Variants in ZNF583 observed in about 807,000 individuals in gnomAD.
The protein encoded by ZNF583 is zinc finger protein 583.
Under a neutral mutation model 55.3 loss-of-function variants are expected in ZNF583, and 30 were observed. The ratio of observed to expected loss-of-function variants is 0.54; its 90% confidence interval spans 0.41 to 0.74. The LOEUF (loss-of-function observed/expected upper bound fraction) is 0.74, where lower values mean the gene tolerates loss of function less well. Ranked by LOEUF, ZNF583 falls within the 30% of genes least tolerant of loss-of-function variation. The probability of loss-of-function intolerance (pLI) is 0.00; values close to 1 mark genes in which losing one functional copy is unlikely to be tolerated. For missense variants in ZNF583, 504 were observed against 664.7 expected (o/e 0.76, Z 2.66); for synonymous variants, 208 against 220.0 (o/e 0.95, Z 0.48).
At chr19:56,405,596 C>T (rs2042134399) in intron 1 of ZNF583, among the ~76,000 whole-genome samples, 1 of 151,992 alleles carries the variant, frequency 6.6e-6, no homozygotes. Flanking sequence ...ACAGGAGCCT[C>T]AGCCTTAAGC....
chr19:56,422,835 G>T, intron 4 of ZNF583, 56 bp from the exon 5 acceptor site: 2 of 1,378,948 alleles, frequency 1.5e-6, no homozygotes, highest in Non-Finnish European at 1.9e-6. Context: ...TTTTGTTTTA[G>T]AAATTTCTTC....
intron 2 of ZNF583, among the ~76,000 whole-genome samples, chr19:56,411,501 T>C (rs2042238485): frequency 6.6e-6 from 1 of 152,220 alleles, no homozygotes; most frequent in Admixed American, 6.5e-5. Flanking sequence ...TGTGTGCAGC[T>C]AAAAAATGTC....
intron 4 of ZNF583, 116 bp downstream of exon 4, chr19:56,414,556 C>A: frequency 1.1e-6 from 1 of 883,182 alleles, no homozygotes; most frequent in Non-Finnish European, 1.7e-6. Flanking sequence ...AGACTCAAAG[C>A]CTGGGAAGAA....
At chr19:56,418,976 TC>T (rs1366258941) in intron 4 of ZNF583, among the ~76,000 whole-genome samples, 1 of 152,156 alleles carries the variant, frequency 6.6e-6, no homozygotes, top group Non-Finnish European at 1.5e-5. Flanking sequence ...AGATACTATT[TC>T]TACATCTGTT....
chr19:56,406,678 C>T (rs2042155654), intron 1 of ZNF583, among the ~76,000 whole-genome samples: 1 of 151,994 alleles, frequency 6.6e-6, no homozygotes, highest in African/African-American at 2.4e-5. Flanking sequence ...AGGCGCCCGC[C>T]ACCACACCTG....
chr19:56,417,857 T>C (rs1184079705), intron 4 of ZNF583, among the ~76,000 whole-genome samples: 1 of 152,204 alleles, frequency 6.6e-6, no homozygotes, highest in Non-Finnish European at 1.5e-5. Flanking sequence ...TTTTTTTCCA[T>C]ATGGATATAC....
chr19:56,408,393 G>T (rs748965372), intron 2 of ZNF583, among the ~76,000 whole-genome samples: 35 of 152,156 alleles, frequency 2.3e-4, no homozygotes, highest in Non-Finnish European at 4.4e-4. Context: ...GCCAGATGTG[G>T]CTACAAAGAC....
intron 1 of ZNF583, 120 bp from the exon 2 acceptor site, chr19:56,406,906 C>T (rs1268392002): frequency 1.1e-5 from 6 of 543,650 alleles, no homozygotes; most frequent in Non-Finnish European, 1.9e-5. Flanking sequence ...CTCAGTGATA[C>T]CTCTAATTTA....
At chr19:56,408,151 TA>T (rs1037645385) in intron 2 of ZNF583, among the ~76,000 whole-genome samples, 18 of 151,960 alleles carry the variant, frequency 1.2e-4, no homozygotes, top group Non-Finnish European at 2.4e-4. Context: ...ATTCATCTAG[TA>T]AAAAAAATTC....
chr19:56,424,230 T>G lies in ZNF583; in HGVS notation c.1572T>G (p.Asp524Glu). Residue 524 changes from aspartate to glutamate, a missense_variant, in exon 5 of 5, where the codon GAT becomes GAG. Around this residue, in one of 3 missense-constraint regions of ZNF583, gnomAD observed 63 missense variants for 56.5 expected, o/e 1.11. Coordinates refer to ENST00000333201, the MANE Select transcript of ZNF583 (RefSeq NM_152478.3). The part of the protein sequence containing the change: ...HTGERPYECK[D>E]CRKSFRQRAH... ...GAGAAAGACCCTATGAATGTAAAGA[T>G]TGCAGGAAATCTTTCAGGCAGCGTG... 3 of 1,614,000 alleles carry G rather than the reference T, an allele frequency of 1.9e-6. No homozygotes were observed. Among genetic ancestry groups the G allele is most frequent in the Non-Finnish European group, 2.5e-6 (3 of 1,179,988 alleles).
At chr19:56,414,299 C>T in intron 3 of ZNF583, 46 bp from the exon 4 acceptor site, 2 of 1,597,458 alleles carry the variant, frequency 1.3e-6, no homozygotes, top group Non-Finnish European at 1.7e-6. Flanking sequence ...GAAACTTGAT[C>T]TTATTTATAG....
At chr19:56,408,709 G>T (rs1250679577) in intron 2 of ZNF583, among the ~76,000 whole-genome samples, 1 of 152,112 alleles carries the variant, frequency 6.6e-6, no homozygotes, top group Non-Finnish European at 1.5e-5. Context: ...GAAAAGGGTG[G>T]TAGAAAATGA....
intron 4 of ZNF583, among the ~76,000 whole-genome samples, chr19:56,419,488 C>A (rs997582724): frequency 6.6e-6 from 1 of 152,146 alleles, no homozygotes; most frequent in Non-Finnish European, 1.5e-5. Context: ...GCCACCACGC[C>A]CAGCCTGCGG....
chr19:56,424,376 T>A lies in ZNF583; in HGVS notation c.*8T>A. On this transcript the variant is annotated 3_prime_UTR_variant, in exon 5 of 5. Coordinates refer to ENST00000333201, the MANE Select transcript of ZNF583 (RefSeq NM_152478.3). ...GTAGGTTTCATCTCCTGAATATTTCTGGAATCCACCTCTTGAATCCATTTC... is the reference window on the plus strand; with the variant it reads ...GTAGGTTTCATCTCCTGAATATTTCAGGAATCCACCTCTTGAATCCATTTC... 9 of 1,166,016 alleles carry A rather than the reference T, an allele frequency of 7.7e-6. No homozygotes were observed. Among genetic ancestry groups the A allele is most frequent in the Non-Finnish European group, 8.9e-6 (7 of 787,506 alleles). 72.2% of individuals were successfully genotyped at this position (1,166,016 alleles called of 1,614,324 possible).
chr19:56,421,635 C>T, intron 4 of ZNF583: 1 of 357,998 alleles, frequency 2.8e-6, no homozygotes, highest in Non-Finnish European at 3.9e-6. Flanking sequence ...TTCATGCAAG[C>T]ATGTCATTCT....
chr19:56,408,212 A>AAT (rs1033566031), intron 2 of ZNF583, among the ~76,000 whole-genome samples: 33 of 151,902 alleles, frequency 2.2e-4, no homozygotes, highest in Admixed American at 6.6e-4. Flanking sequence ...GTATAGGTTA[A>AAT]ATATATATAT....
chr19:56,405,278 G>C (rs1276549626), intron 1 of ZNF583, among the ~76,000 whole-genome samples: 1 of 152,160 alleles, frequency 6.6e-6, no homozygotes, highest in Non-Finnish European at 1.5e-5. Flanking sequence ...GTGTGACTTA[G>C]CACTGTATGT....
intron 2 of ZNF583, among the ~76,000 whole-genome samples, chr19:56,411,478 CTCTATTAGT>C (rs1555823475): frequency 6.6e-6 from 1 of 152,174 alleles, no homozygotes; most frequent in Non-Finnish European, 1.5e-5. Context: ...AAAACACAGA[CTCTATTAGT>C]TCATGTGTGC....
chr19:56,412,784 T>C (rs1350222109), intron 2 of ZNF583, among the ~76,000 whole-genome samples: 2 of 152,224 alleles, frequency 1.3e-5, no homozygotes, highest in African/African-American at 4.8e-5. Flanking sequence ...GTACTGATTA[T>C]ACAGATTCAA....
Sources: gnomAD v4.1 joint callset for allele counts (sites outside exome capture counted in the v4.1 genomes callset) on GRCh38, gnomAD v4.1.1 for gene constraint, gnomAD v4.1.1 regional missense constraint, MANE v1.5 for transcripts, NCBI Gene and HGNC (gene_info 2026-07-23, HGNC 2026-07-21) for gene names.